The following IL9R variants were observed in gnomAD, a reference collection of about 807,000 sequenced individuals.
IL9R encodes interleukin 9 receptor.
In IL9R, 54 loss-of-function variants were observed where a neutral mutation model predicts 56.3. That is an observed-to-expected ratio of 0.96 (90% CI 0.77 to 1.20). The LOEUF is 1.20. Ranked by LOEUF, IL9R falls within the 50% of genes most tolerant of loss-of-function variation. IL9R has a pLI of 0.00. For missense variants in IL9R, 545 were observed against 629.8 expected (o/e 0.87, Z 1.44); for synonymous variants, 212 against 250.2 (o/e 0.85, Z 1.44).
At position 156,005,682 on chromosome X, in the gene IL9R, C is replaced by T. The variant is rs1404980996; in HGVS notation, c.781+203C>T. Among the ~76,000 whole-genome samples the T allele has an allele frequency of 3.3e-5, 5 of 152,116 alleles. No homozygotes were observed. The East Asian group carries it at 9.6e-4, about 29-fold the overall frequency. On this transcript the variant is annotated intron_variant, in intron 6 of 8. Transcript: ENST00000244174. Reference sequence around the variant, plus strand: ...GCCAACTCTGGGGCTTCCTGGGAACCTGTAGTTAGTGGCTGCTGTTAGGAG... The same window carrying T: ...GCCAACTCTGGGGCTTCCTGGGAACTTGTAGTTAGTGGCTGCTGTTAGGAG...
Position 156,010,512 on chromosome X carries a change from G to A in IL9R, c.*103G>A. ...ACCTCCTGAGAAGGGGCCCCTAGCA[G>A]CGGTCAGAGGTCCTGTCTGGATGGA... On this transcript the variant is annotated 3_prime_UTR_variant, in exon 9 of 9. Transcript: ENST00000244174. 2.7e-6 allele frequency: 1 copy of A among 370,882 alleles called. No homozygotes were observed. Among genetic ancestry groups the A allele is most frequent in the Non-Finnish European group, 4.2e-6 (1 of 237,578 alleles). 23.0% of individuals were successfully genotyped at this position (370,882 alleles called of 1,614,324 possible).
chrX:156,006,040 G>C lies in IL9R; in HGVS notation c.782-43G>C, dbSNP rs1468177682. On this transcript the variant is annotated intron_variant, in intron 6 of 8. Coordinates refer to ENST00000244174, the MANE Select transcript of IL9R (RefSeq NM_002186.3). ...CAGGTGGGTTTGGGGGGAGCCTCCT[G>C]GCACTGAGGCTGCTCACAGCCCTGG... is the stretch of plus-strand genomic sequence containing the variant. 3.7e-6 allele frequency: 4 copies of C among 1,085,774 alleles called. No homozygotes were observed. In the African/African-American group the frequency reaches 6.3e-5, roughly 17 times the overall value. 67.3% of individuals were successfully genotyped at this position (1,085,774 alleles called of 1,614,324 possible).
chrX:156,002,825 C>G, intron 1 of IL9R, 81 bp from the exon 2 acceptor site: 1 of 1,605,858 alleles, frequency 6.2e-7, no homozygotes, highest in Non-Finnish European at 8.5e-7. Flanking sequence ...CCATGGAGCA[C>G]TCTGCTGGGG....
chrX:156,000,667 T>A (rs2067457661), intron 1 of IL9R, among the ~76,000 whole-genome samples: 1 of 152,150 alleles, frequency 6.6e-6, no homozygotes. Context: ...CTGGTGACAT[T>A]CAGGAGCAGG....
intron 8 of IL9R, among the ~76,000 whole-genome samples, chrX:156,008,899 C>A (rs1326414521): frequency 7.0e-6 from 1 of 142,266 alleles, no homozygotes; most frequent in African/African-American, 2.7e-5. Context: ...GTTTATGTGT[C>A]TGTGTGTGTT....
chrX:156,003,395 C>A, intron 2 of IL9R, 54 bp from the exon 3 acceptor site: 1 of 1,283,934 alleles, frequency 7.8e-7, no homozygotes, highest in South Asian at 1.2e-5. Flanking sequence ...AACCCCCGAG[C>A]TCAGCTCTGG....
Position 156,003,858 on chromosome X carries a change from G to T in IL9R, c.433+3G>T. On this transcript the variant is annotated splice_donor_region_variant and intron_variant, in intron 4 of 8. Transcript: ENST00000244174. ...GGAGTACCTGCCCCGGAGACACGGT[G>T]AGCAGCAGCTATAGGTCTGGGGCGG... The T allele has an allele frequency of 6.2e-7, 1 of 1,613,890 alleles. No individual in the cohort carries two copies.
chrX:156,004,101 C>T (rs1255135351), intron 4 of IL9R: 2 of 604,528 alleles, frequency 3.3e-6, no homozygotes, highest in South Asian at 4.0e-5. Context: ...GGGGCTGGCA[C>T]TTGAGTCATG....
At chrX:156,006,322 C>T in intron 7 of IL9R, 134 bp downstream of exon 7, 1 of 631,632 alleles carries the variant, frequency 1.6e-6, no homozygotes, top group Non-Finnish European at 2.8e-6. Flanking sequence ...CCGCCCTTGT[C>T]TGGTTCCTCC....
In IL9R at chrX:156,007,547, C is replaced by T. The variant is rs138354717; in HGVS notation, c.912C>T (p.Asn304=). 1.0e-3 allele frequency: 1,345 copies of T among 1,328,408 alleles called. No individual in the cohort carries two copies. The highest frequency in any genetic ancestry group is 1.4e-3 in the Non-Finnish European group (1,306 of 954,604). The allele number at this position is 1,328,408 out of a possible 1,614,324, so 82.3% of individuals were successfully genotyped here. A position where few individuals can be genotyped will look rare whatever the true frequency, so the allele number is the denominator to read the frequency against. ...SPRVKRIFYQ[N]VPSPAMFFQP... is the part of the protein sequence containing the mutation. ...GGGTGAAGAGAATCTTCTACCAGAA[C>T]GTGCCCTCTCCAGCGATGTTCTTCC... Residue 304 remains asparagine, a synonymous_variant, in exon 8 of 9, where the codon AAC becomes AAT. Transcript: ENST00000244174.
At position 156,006,134 on chromosome X, in the gene IL9R, C is replaced by T; in HGVS notation, c.833C>T (p.Ser278Phe). 1.3e-6 allele frequency: 2 copies of T among 1,587,228 alleles called. No individual in the cohort carries two copies. The highest frequency in any genetic ancestry group is 1.7e-6 in the Non-Finnish European group (2 of 1,157,880). The change falls in exon 7 of 9, where the codon TCC becomes TTC. Residue 278 changes from serine (S) to phenylalanine (F), a missense_variant. By Grantham distance (155) the Ser-to-Phe change is radical (BLOSUM62 -2). Coordinates refer to ENST00000244174, the MANE Select transcript of IL9R (RefSeq NM_002186.3). The stretch of plus-strand genomic sequence containing the variant: ...CCAGGCAACACCCTTGTTGCTGTGT[C>T]CATCTTTCTCCTGCTGACTGGCCCG... ...GWPGNTLVAV[S>F]IFLLLTGPTY...
intron 1 of IL9R, chrX:156,001,294 C>G (rs2067504489): frequency 1.2e-6 from 1 of 801,812 alleles, no homozygotes; most frequent in Non-Finnish European, 2.2e-6. Flanking sequence ...CCTGGGTCAG[C>G]TCTCAGCTGT....
chrX:156,009,276 ATGTCTG>A (rs2068300073), intron 8 of IL9R, among the ~76,000 whole-genome samples: 2 of 36,128 alleles, frequency 5.5e-5, no homozygotes, highest in Non-Finnish European at 5.1e-5. Flanking sequence ...TTGTGTGTGT[ATGTCTG>A]TGTGTGTGTG....
chrX:156,003,092 G>C (rs1273930443), intron 2 of IL9R, 73 bp downstream of exon 2: 1 of 1,584,428 alleles, frequency 6.3e-7, no homozygotes, highest in Non-Finnish European at 8.7e-7. Flanking sequence ...TGGGTTGTCC[G>C]ATGTCAAGCC....
At position 156,003,659 on chromosome X, in the gene IL9R, G is replaced by A. The variant is rs771336947; in HGVS notation, c.255-18G>A. 1 of 1,612,438 alleles carries A rather than the reference G, an allele frequency of 6.2e-7. No individual in the cohort carries two copies. Among genetic ancestry groups the A allele is most frequent in the Non-Finnish European group, 8.5e-7 (1 of 1,179,122 alleles). ...GACAGTGTAGCAGCCCCGTGGTGCTGACAAATGCCCTTTCCAGCAACCAGG... is the reference window on the plus strand; with the variant it reads ...GACAGTGTAGCAGCCCCGTGGTGCTAACAAATGCCCTTTCCAGCAACCAGG... On this transcript the variant is annotated intron_variant, in intron 3 of 8. Transcript: ENST00000244174.
chrX:155,999,524 T>C (rs3093467), intron 1 of IL9R, among the ~76,000 whole-genome samples: 73,829 of 151,778 alleles, frequency 0.49, 20,454 homozygotes, highest in African/African-American at 0.74. Context: ...TGCCCATCCC[T>C]ACCCCTGTCA....
At chrX:156,000,832 G>A (rs2067471508) in intron 1 of IL9R, among the ~76,000 whole-genome samples, 1 of 152,152 alleles carries the variant, frequency 6.6e-6, no homozygotes, top group African/African-American at 2.4e-5. Flanking sequence ...CGCAGGCACT[G>A]CCCTCGGGAA....
intron 5 of IL9R, among the ~76,000 whole-genome samples, chrX:156,005,003 G>A (rs770611462): frequency 1.3e-5 from 2 of 152,164 alleles, no homozygotes; most frequent in East Asian, 3.9e-4. Context: ...TTGTTTATGA[G>A]TGTGCATGCA....
At chrX:156,004,382 A>T in intron 4 of IL9R, 38 bp from the exon 5 acceptor site, 1 of 1,612,494 alleles carries the variant, frequency 6.2e-7, no homozygotes, top group Non-Finnish European at 8.5e-7. Context: ...ACCCAGACCC[A>T]TGGGGCTTCA....
Sources: allele counts gnomAD v4.1 joint callset (sites outside exome capture counted in the v4.1 genomes callset), GRCh38; gene constraint gnomAD v4.1.1; transcripts MANE v1.5; gene names NCBI Gene and HGNC (gene_info 2026-07-23, HGNC 2026-07-21).